PIEZO2: variants seen among roughly 807,000 people sequenced by gnomAD.
PIEZO2 encodes the protein piezo-type mechanosensitive ion channel component 2.
PIEZO2 carries 172 observed loss-of-function variants against 337.3 expected under a neutral mutation model. The ratio of observed to expected loss-of-function variants is 0.51; its 90% CI spans 0.45 to 0.58. The LOEUF is 0.58. Ranked by LOEUF, PIEZO2 falls within the 20% of genes least tolerant of loss-of-function variation. The pLI, the probability that PIEZO2 is intolerant of heterozygous loss-of-function variation, is 0.00. For missense variants in PIEZO2, 3,028 were observed against 3,391.3 expected, an observed-to-expected ratio of 0.89 and a Z score of 2.66; for synonymous variants, 1,251 against 1,228.5, an observed-to-expected ratio of 1.02 and a Z score of -0.38.
rs547641875 is a variant in PIEZO2 at position 11,128,883 on chromosome 18, G to A, written c.64+19642C>T. Among the ~76,000 whole-genome samples the A allele has an allele frequency of 2.5e-4, 38 of 152,290 alleles. 2 individuals are homozygous for A. In the South Asian group the frequency reaches 6.8e-3, roughly 27 times the overall value. The stretch of plus-strand genomic sequence containing the variant: ...CTGGGAATGGATATTAAGGGTATGG[G>A]ATAATAGTGGAAGGAACAAAGAGTT... On this transcript the variant is annotated intron_variant, in intron 1 of 55. Coordinates refer to ENST00000674853, the MANE Select transcript of PIEZO2 (RefSeq NM_001378183.1). The surrounding 1 kb of genome is among the most constrained non-coding windows in gnomAD (Gnocchi z 4.1).
chr18:11,048,051 C>A lies in PIEZO2; in HGVS notation c.160+18076G>T, dbSNP rs1206619807. ...GGTTCCAGGCCAACCCACCCAGTGA[C>A]ACCTGCTGGGTGTAGACAGTCAAGA... On this transcript the variant is annotated intron_variant, in intron 2 of 55. Coordinates refer to ENST00000674853, the MANE Select transcript of PIEZO2 (RefSeq NM_001378183.1). This position sits in a 1 kb window ranked among gnomAD's most constrained non-coding sequence, Gnocchi z 4.5. Among the ~76,000 whole-genome samples, 1 of 152,164 alleles carries A rather than the reference C, an allele frequency of 6.6e-6. No homozygotes were observed. The highest frequency in any genetic ancestry group is 1.5e-5 in the Non-Finnish European group (1 of 68,034).
intron 4 of PIEZO2, among the ~76,000 whole-genome samples, chr18:10,886,519 A>G (rs1443383598): frequency 2.2e-5 from 1 of 45,890 alleles, no homozygotes; most frequent in African/African-American, 1.1e-4. Context: ...CATTATATAT[A>G]TATGATGTTT....
intron 2 of PIEZO2, among the ~76,000 whole-genome samples, chr18:11,026,594 G>T (rs531252906): frequency 6.6e-6 from 1 of 152,298 alleles, no homozygotes; most frequent in South Asian, 2.1e-4. Flanking sequence ...CCTATGCTCC[G>T]TATGGAAAGA....
rs2036617693 is a variant in PIEZO2, at chr18:11,028,509, C to T, written c.160+37618G>A. 6.6e-6 allele frequency among the ~76,000 whole-genome samples: 1 copy of T among 152,136 alleles called. No homozygotes were observed. The highest frequency in any genetic ancestry group is 1.5e-5 in the Non-Finnish European group (1 of 68,038). ...CTCCTGACCTCAGATGATCCGCCAGCCTTGGACTCCCAAAGTGCTGGGATT... is the reference window on the plus strand; with the variant it reads ...CTCCTGACCTCAGATGATCCGCCAGTCTTGGACTCCCAAAGTGCTGGGATT... On this transcript the variant is annotated intron_variant, in intron 2 of 55. Coordinates refer to ENST00000674853, the MANE Select transcript of PIEZO2 (RefSeq NM_001378183.1). The surrounding 1 kb of genome is among the most constrained non-coding windows in gnomAD (Gnocchi z 4.8).
At position 11,078,247 on chromosome 18, in the gene PIEZO2, C is replaced by G. The variant is rs548273671; in HGVS notation, c.65-12025G>C. Among the ~76,000 whole-genome samples, 181 of 152,250 alleles carry G rather than the reference C, an allele frequency of 1.2e-3. No individual in the cohort carries two copies. The highest frequency in any genetic ancestry group is 1.6e-3 in the Non-Finnish European group (112 of 68,020). ...TTTTTATAACAGGATTAATTTACTG[C>G]CTGCCATAGTTTCCTACTTTCAAGA... On this transcript the variant is annotated intron_variant, in intron 1 of 55. Coordinates refer to ENST00000674853, the MANE Select transcript of PIEZO2 (RefSeq NM_001378183.1). This position sits in a 1 kb window ranked among gnomAD's most constrained non-coding sequence, Gnocchi z 5.3.
intron 3 of PIEZO2, among the ~76,000 whole-genome samples, chr18:10,976,659 T>C (rs909143607): frequency 1.3e-5 from 2 of 152,228 alleles, no homozygotes; most frequent in African/African-American, 2.4e-5. Flanking sequence ...TTATGTTAGA[T>C]GCTGACATGT....
In PIEZO2 at chr18:11,001,289, G is replaced by A. The variant is rs910869836; in HGVS notation, c.161-21629C>T. ...TTTTATGCATGGGTCATCTGGCCAC[G>A]ATTTCCTCAGCAGCTAGTAGAGAAG... On this transcript the variant is annotated intron_variant, in intron 2 of 55. Transcript: ENST00000674853. The surrounding 1 kb of genome is among the most constrained non-coding windows in gnomAD (Gnocchi z 5.3). Among the ~76,000 whole-genome samples the A allele has an allele frequency of 6.6e-6, 1 of 152,080 alleles. No homozygotes were observed. Among genetic ancestry groups the A allele is most frequent in the African/African-American group, 2.4e-5 (1 of 41,406 alleles).
chr18:10,868,856 T>C lies in PIEZO2; in HGVS notation c.492+2397A>G, dbSNP rs947944175. Among the ~76,000 whole-genome samples, 4 of 152,230 alleles carry C rather than the reference T, an allele frequency of 2.6e-5. 1 individual carries two copies. The highest frequency in any genetic ancestry group is 9.6e-5 in the African/African-American group (4 of 41,456). ...TGGCTTTTTATTGATCAATGTAGGC[T>C]TTCTTAGTCCTATGGCAAACAGCAT... On this transcript the variant is annotated intron_variant, in intron 5 of 55. Transcript: ENST00000674853.
Position 10,691,337 on chromosome 18 carries a change from A to G in PIEZO2, c.7237T>C (p.Cys2413Arg), listed in dbSNP as rs766767857. 6.2e-7 allele frequency: 1 copy of G among 1,613,948 alleles called. No individual in the cohort carries two copies. The highest frequency in any genetic ancestry group is 1.1e-5 in the South Asian group (1 of 90,986). ...LVAQLWYFVK[C>R]VYFGLSAYQI... ...TAAGCAGACAACCCGAAGTAAACAC[A>G]TTTCACAAAGTACCAAAGCTGGGCA... Residue 2413 changes from cysteine (C) to arginine (R), a missense_variant, in exon 48 of 56, where the codon TGT becomes CGT. Physicochemically the swap from Cys to Arg is radical, Grantham distance 180. Around this residue, in one of 5 missense-constraint regions of PIEZO2, gnomAD observed 179 missense variants for 281.8 expected, o/e 0.64. Coordinates refer to ENST00000674853, the MANE Select transcript of PIEZO2 (RefSeq NM_001378183.1).
At chr18:10,981,345 A>G (rs2034659839) in intron 2 of PIEZO2, among the ~76,000 whole-genome samples, 1 of 152,174 alleles carries the variant, frequency 6.6e-6, no homozygotes, top group Admixed American at 6.5e-5. Context: ...AGCAAAATAG[A>G]TCCATTAATA....
chr18:10,712,588 C>A (rs1339249857), intron 39 of PIEZO2, among the ~76,000 whole-genome samples: 1 of 152,196 alleles, frequency 6.6e-6, no homozygotes, highest in Non-Finnish European at 1.5e-5. Flanking sequence ...GACAGAAGCT[C>A]CCCTTTCAAA....
At chr18:11,115,396 G>A (rs946215793) in intron 1 of PIEZO2, among the ~76,000 whole-genome samples, 1 of 152,098 alleles carries the variant, frequency 6.6e-6, no homozygotes, top group East Asian at 1.9e-4. Flanking sequence ...AAATTCTTCT[G>A]AGGTCATGAA....
chr18:10,761,301 G>A (rs1331736486), intron 23 of PIEZO2, among the ~76,000 whole-genome samples, 190 bp from the exon 24 acceptor site: 1 of 152,176 alleles, frequency 6.6e-6, no homozygotes, highest in Non-Finnish European at 1.5e-5. Context: ...AGAAAATCAG[G>A]CTAACTTCCA....
In PIEZO2 at chr18:10,704,621, C is replaced by G. The variant is rs4796901; in HGVS notation, c.6031G>C (p.Glu2011Gln). 356,259 of 1,536,928 alleles carry G rather than the reference C, an allele frequency of 0.23. 42,169 individuals are homozygous for G. Among genetic ancestry groups the G allele is most frequent in the South Asian group, 0.28 (23,400 of 84,044 alleles). ...CGGGGCTGCCCCACGTAGAATTTCT[C>G]TGACTCTTCAAGCTCATCGTCGTGA... ...MFHDDELEES[E>Q]KFYVGQPRFL... Residue 2011 changes from glutamate (E) to glutamine (Q), a missense_variant, in exon 42 of 56, where the codon GAG (glutamate) becomes CAG (glutamine). Glu to Gln is a conservative substitution (Grantham distance 29, BLOSUM62 2). Transcript: ENST00000674853.
Position 11,112,990 on chromosome 18 carries a change from T to C in PIEZO2, c.64+35535A>G, listed in dbSNP as rs988157715. On this transcript the variant is annotated intron_variant, in intron 1 of 55. Transcript: ENST00000674853. The surrounding 1 kb of genome is among the most constrained non-coding windows in gnomAD (Gnocchi z 4.3). The stretch of plus-strand genomic sequence containing the variant: ...GATAAAGGTCCTGGTGTGTTTATTA[T>C]TTTGGTACCTAACTCAGTGCCCAGC... Among the ~76,000 whole-genome samples, 1 of 152,126 alleles carries C rather than the reference T, an allele frequency of 6.6e-6. No homozygotes were observed. Among genetic ancestry groups the C allele is most frequent in the Non-Finnish European group, 1.5e-5 (1 of 68,030 alleles).
At chr18:10,887,137 T>C (rs942734327) in intron 4 of PIEZO2, among the ~76,000 whole-genome samples, 1 of 146,940 alleles carries the variant, frequency 6.8e-6, no homozygotes, top group Non-Finnish European at 1.5e-5. Context: ...TGGTGGAATC[T>C]CGGCTCACTG....
At position 11,047,407 on chromosome 18, in the gene PIEZO2, C is replaced by A. The variant is rs2037354099; in HGVS notation, c.160+18720G>T. Among the ~76,000 whole-genome samples, 1 of 152,158 alleles carries A rather than the reference C, an allele frequency of 6.6e-6. No individual in the cohort carries two copies. Among genetic ancestry groups the A allele is most frequent in the South Asian group, 2.1e-4 (1 of 4,828 alleles). ...CAGTGCAGCAAAGGCTCCTGCCTAT[C>A]CCACAAGACGGCCCGGGGGAATTGT... is the stretch of plus-strand genomic sequence containing the variant. On this transcript the variant is annotated intron_variant, in intron 2 of 55. Transcript: ENST00000674853. This position sits in a 1 kb window ranked among gnomAD's most constrained non-coding sequence, Gnocchi z 7.2.
intron 2 of PIEZO2, among the ~76,000 whole-genome samples, chr18:11,018,733 G>A (rs113674893): frequency 3.1e-4 from 47 of 152,206 alleles, no homozygotes; most frequent in African/African-American, 1.1e-3. Context: ...CAGAAATGAT[G>A]TCTCCTTCCT....
intron 7 of PIEZO2, among the ~76,000 whole-genome samples, chr18:10,836,991 C>T (rs1450147102): frequency 6.6e-6 from 1 of 152,318 alleles, no homozygotes; most frequent in East Asian, 1.9e-4. Flanking sequence ...ACTGAGGATA[C>T]TCACAACTGT....
Sources: allele counts gnomAD v4.1 joint callset (sites outside exome capture counted in the v4.1 genomes callset), GRCh38; gene constraint gnomAD v4.1.1; regional missense constraint gnomAD v4.1.1; non-coding constraint Gnocchi (gnomAD v3.1); transcripts MANE v1.5; gene names NCBI Gene and HGNC (gene_info 2026-07-23, HGNC 2026-07-21).